Variants in LONRF2 observed in about 807,000 individuals in gnomAD.
The protein encoded by LONRF2 is LON peptidase N-terminal domain and RING finger protein 2.
LONRF2 carries 35 observed loss-of-function variants against 66.6 expected under a neutral mutation model. That is an observed-to-expected ratio of 0.53 (90% CI 0.40 to 0.70). The LOEUF is 0.70. LONRF2 is among the 30% of genes least tolerant of loss of function. The probability of loss-of-function intolerance (pLI) is 0.00; values close to 1 mark genes in which losing one functional copy is unlikely to be tolerated. For synonymous variants in LONRF2, 417 were observed against 418.1 expected, an observed-to-expected ratio of 1.00 and a Z score of 0.03; for missense variants, 902 against 1,002.1, an observed-to-expected ratio of 0.90 and a Z score of 1.35.
intron 11 of LONRF2, 77 bp from the exon 12 acceptor site, chr2:100,284,569 C>G: frequency 8.2e-7 from 1 of 1,220,672 alleles, no homozygotes; most frequent in Non-Finnish European, 1.1e-6. Flanking sequence ...TTTTGCTCCA[C>G]CAACAGACAC....
Position 100,279,932 on chromosome 2 carries a change from G to T in LONRF2, c.*4366C>A, listed in dbSNP as rs1263167763. On this transcript the variant is annotated 3_prime_UTR_variant, in exon 12 of 12. Transcript: ENST00000393437. ...CTCCCATGCTTCCCCTCATGGCCCG[G>T]TGTGGTCTGCTGGGCCTCTCCTTCT... is the stretch of plus-strand genomic sequence containing the variant. The T allele has an allele frequency of 1.3e-5, 2 of 152,258 alleles. No individual in the cohort carries two copies. The highest frequency in any genetic ancestry group is 4.8e-5 in the African/African-American group (2 of 41,438). 9.4% of individuals were successfully genotyped at this position (152,258 alleles called of 1,614,324 possible). A position where few individuals can be genotyped will look rare whatever the true frequency, so the allele number is the denominator to read the frequency against.
rs574507291 is a variant in LONRF2 at position 100,322,480 on chromosome 2, G to A, written c.-387C>T. The A allele has an allele frequency of 1.8e-5, 3 of 162,940 alleles. No individual in the cohort carries two copies. In the South Asian group the frequency reaches 6.1e-4, roughly 33 times the overall value. The allele number at this position is 162,940 out of a possible 1,614,324, so 10.1% of individuals were successfully genotyped here. A position where few individuals can be genotyped will look rare whatever the true frequency, so the allele number is the denominator to read the frequency against. On this transcript the variant is annotated 5_prime_UTR_variant, in exon 1 of 12. Coordinates refer to ENST00000393437, the MANE Select transcript of LONRF2 (RefSeq NM_198461.4). Reference sequence around the variant, plus strand: ...GTCTCTTGCGATGCTTCCCCCACTCGCCTGAGGGCTCCTGCGCGACTGCGC... The same window carrying A: ...GTCTCTTGCGATGCTTCCCCCACTCACCTGAGGGCTCCTGCGCGACTGCGC...
Position 100,274,502 on chromosome 2 carries a change from CACTG to C in LONRF2, c.*9792_*9795del, listed in dbSNP as rs1489658437. 6.6e-6 allele frequency: 1 copy of C among 152,270 alleles called. No homozygotes were observed. The highest frequency in any genetic ancestry group is 1.5e-5 in the Non-Finnish European group (1 of 68,066). 9.4% of individuals were successfully genotyped at this position (152,270 alleles called of 1,614,324 possible). Reference sequence around the variant, plus strand: ...TAATGTTTTCACATCTTGGGGACCTCACTGACTGGGGAGAGACTGCCCTTCCCAG... The same window carrying C: ...TAATGTTTTCACATCTTGGGGACCTCACTGGGGAGAGACTGCCCTTCCCAG... On this transcript the variant is annotated 3_prime_UTR_variant, in exon 12 of 12. Coordinates refer to ENST00000393437, the MANE Select transcript of LONRF2 (RefSeq NM_198461.4).
chr2:100,273,537 A>T lies in LONRF2; in HGVS notation c.*10761T>A, dbSNP rs1674538997. ...GAAATGAACAGTACAAGAATACATG[A>T]AGTAAATATCATAACATTTAAGTTT... is the stretch of plus-strand genomic sequence containing the variant. On this transcript the variant is annotated 3_prime_UTR_variant, in exon 12 of 12. Transcript: ENST00000393437. The T allele has an allele frequency of 6.6e-6, 1 of 152,248 alleles. No homozygotes were observed. Among genetic ancestry groups the T allele is most frequent in the South Asian group, 2.1e-4 (1 of 4,836 alleles). 9.4% of individuals were successfully genotyped at this position (152,248 alleles called of 1,614,324 possible).
chr2:100,278,277 A>C lies in LONRF2; in HGVS notation c.*6021T>G, dbSNP rs1473357113. ...AGAGGGCTATGTCTTGCATTCTTGT[A>C]TATAAAAGCTCATTACATATTGGGG... On this transcript the variant is annotated 3_prime_UTR_variant, in exon 12 of 12. Coordinates refer to ENST00000393437, the MANE Select transcript of LONRF2 (RefSeq NM_198461.4). 3 of 152,154 alleles carry C rather than the reference A, an allele frequency of 2.0e-5. No homozygotes were observed. Among genetic ancestry groups the C allele is most frequent in the African/African-American group, 7.2e-5 (3 of 41,426 alleles). 9.4% of individuals were successfully genotyped at this position (152,154 alleles called of 1,614,324 possible). A position where few individuals can be genotyped will look rare whatever the true frequency, so the allele number is the denominator to read the frequency against.
chr2:100,322,054 A>T lies in LONRF2; in HGVS notation c.40T>A (p.Cys14Ser). 7.6e-7 allele frequency: 1 copy of T among 1,317,806 alleles called. No individual in the cohort carries two copies. The highest frequency in any genetic ancestry group is 9.7e-7 in the Non-Finnish European group (1 of 1,035,214). 81.6% of individuals were successfully genotyped at this position (1,317,806 alleles called of 1,614,324 possible). The change falls in exon 1 of 12, where the codon TGT becomes AGT. Residue 14 changes from cysteine (C) to serine (S), a missense_variant. Transcript: ENST00000393437. The part of the protein sequence containing the change: ...EPVPPPPPPQ[C>S]PGCDRAEPIA... ...GGCTCCGCGCGGTCGCAGCCAGGACACTGGGGCGGCGGCGGCGGCGGGACC... is the reference window on the plus strand; with the variant it reads ...GGCTCCGCGCGGTCGCAGCCAGGACTCTGGGGCGGCGGCGGCGGCGGGACC...
At chr2:100,298,482 T>C (rs910692582) in intron 7 of LONRF2, among the ~76,000 whole-genome samples, 1 of 152,192 alleles carries the variant, frequency 6.6e-6, no homozygotes, top group Non-Finnish European at 1.5e-5. Flanking sequence ...TCTTCAATCC[T>C]ACGAAAAACT....
Position 100,287,024 on chromosome 2 carries a change from C to T in LONRF2, c.1960G>A (p.Asp654Asn), listed in dbSNP as rs894221703. Residue 654 changes from aspartate (D) to asparagine (N), a missense_variant, in exon 11 of 12, where the codon GAT becomes AAT. Asp to Asn is a conservative substitution (Grantham distance 23). Transcript: ENST00000393437. Reference protein sequence around the residue: ...PEYEELAALHDSVHQQSVSWF... With the variant: ...PEYEELAALHNSVHQQSVSWF... ...GAAACAGACTGTTGATGCACAGAATCGTGGAGAGCGGCAAGTTCTTCATAC... is the reference window on the plus strand; with the variant it reads ...GAAACAGACTGTTGATGCACAGAATTGTGGAGAGCGGCAAGTTCTTCATAC... 21 of 1,613,976 alleles carry T rather than the reference C, an allele frequency of 1.3e-5. No individual in the cohort carries two copies. The highest frequency in any genetic ancestry group is 5.5e-5 in the South Asian group (5 of 91,072).
At position 100,290,340 on chromosome 2, in the gene LONRF2, C is replaced by T. The variant is rs1424821779; in HGVS notation, c.1838G>A (p.Gly613Asp). Reference sequence around the variant, plus strand: ...GCTTAGCACTCGGAACCGACTGATGCCAATCGCGTCTACAACAGAACTTCC... The same window carrying T: ...GCTTAGCACTCGGAACCGACTGATGTCAATCGCGTCTACAACAGAACTTCC... ...PDGSSVVDAI[G>D]ISRFRVLSHR... The change falls in exon 10 of 12, where the codon GGC becomes GAC. Residue 613 changes from glycine to aspartate, a missense_variant. Transcript: ENST00000393437. 1 of 1,614,068 alleles carries T rather than the reference C, an allele frequency of 6.2e-7. No homozygotes were observed. Among genetic ancestry groups the T allele is most frequent in the Non-Finnish European group, 8.5e-7 (1 of 1,180,032 alleles).
intron 3 of LONRF2, 21 bp from the exon 4 acceptor site, chr2:100,300,808 G>GA (rs771747249): frequency 1.9e-6 from 3 of 1,544,604 alleles, no homozygotes; most frequent in East Asian, 2.3e-5. Flanking sequence ...GCCAAGAAAA[G>GA]AAAAAATATA....
chr2:100,302,448 C>G (rs927367096), intron 3 of LONRF2, among the ~76,000 whole-genome samples: 1 of 152,162 alleles, frequency 6.6e-6, no homozygotes, highest in Non-Finnish European at 1.5e-5. Flanking sequence ...TAAGTAAATA[C>G]CAGGTAACTA....
chr2:100,308,211 A>G (rs1408153968), intron 2 of LONRF2, among the ~76,000 whole-genome samples: 3 of 129,904 alleles, frequency 2.3e-5, no homozygotes, highest in Admixed American at 8.0e-5. Flanking sequence ...CTACTAAAAA[A>G]TACAAAAAAT....
chr2:100,278,775 C>G lies in LONRF2; in HGVS notation c.*5523G>C, dbSNP rs974513773. 2 of 152,176 alleles carry G rather than the reference C, an allele frequency of 1.3e-5. No individual in the cohort carries two copies. The highest frequency in any genetic ancestry group is 2.9e-5 in the Non-Finnish European group (2 of 68,068). 9.4% of individuals were successfully genotyped at this position (152,176 alleles called of 1,614,324 possible). A position where few individuals can be genotyped will look rare whatever the true frequency, so the allele number is the denominator to read the frequency against. ...CCTCGCCGTGGGAGATAACTTTGTC[C>G]CAGATATTAAAACCTCTGCCCTAGC... On this transcript the variant is annotated 3_prime_UTR_variant, in exon 12 of 12. Coordinates refer to ENST00000393437, the MANE Select transcript of LONRF2 (RefSeq NM_198461.4).
At chr2:100,310,936 G>A (rs1675396061) in intron 1 of LONRF2, among the ~76,000 whole-genome samples, 2 of 152,092 alleles carry the variant, frequency 1.3e-5, no homozygotes, top group South Asian at 2.1e-4. Flanking sequence ...ATTCTTGTTT[G>A]GGGAATAACA....
In LONRF2 at chr2:100,300,648, G is replaced by A. The variant is rs779969107; in HGVS notation, c.1061C>T (p.Ser354Leu). The change falls in exon 4 of 12, where the codon TCG becomes TTG. Residue 354 changes from serine to leucine, a missense_variant. This residue lies in a region of LONRF2 where 585 missense variants were observed against 569.9 expected (regional missense o/e 1.03). Coordinates refer to ENST00000393437, the MANE Select transcript of LONRF2 (RefSeq NM_198461.4). Reference protein sequence around the residue: ...ALLEEGDAGSSENSSEKSDML... With the variant: ...ALLEEGDAGSLENSSEKSDML... ...ACAAATGCATGCACGTCATACCTCC[G>A]AGCTCCCTGCATCACCTTCTTCCAG... 13 of 1,607,294 alleles carry A rather than the reference G, an allele frequency of 8.1e-6. No individual in the cohort carries two copies. The African/African-American group carries it at 9.4e-5, about 12-fold the overall frequency.
chr2:100,312,341 T>A (rs1361288546), intron 1 of LONRF2, among the ~76,000 whole-genome samples: 2 of 152,312 alleles, frequency 1.3e-5, no homozygotes, highest in South Asian at 2.1e-4. Context: ...GCCTTGCTTT[T>A]TCTTGAACAC....
At chr2:100,301,219 A>C (rs1390159809) in intron 3 of LONRF2, among the ~76,000 whole-genome samples, 1 of 152,226 alleles carries the variant, frequency 6.6e-6, no homozygotes, top group African/African-American at 2.4e-5. Context: ...CCTCGTAAAG[A>C]ACTTTAAAGG....
intron 1 of LONRF2, among the ~76,000 whole-genome samples, chr2:100,318,930 G>A (rs535300754): frequency 6.6e-6 from 1 of 151,752 alleles, no homozygotes; most frequent in African/African-American, 2.4e-5. Flanking sequence ...AGGAGATTGA[G>A]ACCATCCTGG....
At chr2:100,285,936 G>A (rs1202266882) in intron 11 of LONRF2, among the ~76,000 whole-genome samples, 2 of 152,062 alleles carry the variant, frequency 1.3e-5, no homozygotes, top group Non-Finnish European at 2.9e-5. Flanking sequence ...TGATTAATTT[G>A]GTTAATAAAC....
Sources: allele counts gnomAD v4.1 joint callset (sites outside exome capture counted in the v4.1 genomes callset), GRCh38; gene constraint gnomAD v4.1.1; regional missense constraint gnomAD v4.1.1; transcripts MANE v1.5; gene names NCBI Gene and HGNC (gene_info 2026-07-23, HGNC 2026-07-21).